PLXNA4: variants seen among roughly 807,000 people sequenced by gnomAD.
The protein encoded by PLXNA4 is plexin-A4.
A neutral mutation model predicts 191.8 loss-of-function variants in PLXNA4; 44 were observed. The ratio of observed to expected loss-of-function variants is 0.23; its 90% CI spans 0.18 to 0.29. The LOEUF (loss-of-function observed/expected upper bound fraction) is 0.29, where lower values mean the gene tolerates loss of function less well. Among genes scored for constraint, PLXNA4 ranks in the 10% least tolerant of loss-of-function variants. PLXNA4 has a pLI of 1.00. For synonymous variants in PLXNA4, 1,082 were observed against 1,009.5 expected, an observed-to-expected ratio of 1.07 and a Z score of -1.36; for missense variants, 1,800 against 2,488.8, an observed-to-expected ratio of 0.72 and a Z score of 5.89.
chr7:132,502,186 G>A (rs1434188681), intron 2 of PLXNA4, among the ~76,000 whole-genome samples: 1 of 152,162 alleles, frequency 6.6e-6, no homozygotes, highest in Non-Finnish European at 1.5e-5. Context: ...AGACCAACCT[G>A]AGTAACCACC....
chr7:132,153,483 A>C (rs1795703843), intron 25 of PLXNA4, among the ~76,000 whole-genome samples: 1 of 151,946 alleles, frequency 6.6e-6, no homozygotes, highest in Non-Finnish European at 1.5e-5. Flanking sequence ...AAGTGAAGGT[A>C]GTGGGGCAGG....
At chr7:132,336,559 G>A (rs1802824863) in intron 3 of PLXNA4, among the ~76,000 whole-genome samples, 1 of 152,134 alleles carries the variant, frequency 6.6e-6, no homozygotes, top group South Asian at 2.1e-4. Context: ...GGCAACAAAA[G>A]AGATGGGGAA....
intron 4 of PLXNA4, among the ~76,000 whole-genome samples, chr7:132,265,052 C>A (rs1563000182): frequency 6.6e-6 from 1 of 152,168 alleles, no homozygotes. Context: ...ATAAAATCAG[C>A]TTTTAAACAA....
chr7:132,445,285 T>G (rs2117269490), intron 3 of PLXNA4, among the ~76,000 whole-genome samples: 1 of 152,018 alleles, frequency 6.6e-6, no homozygotes, highest in South Asian at 2.1e-4. Flanking sequence ...CTATGTGATT[T>G]CTCGAGCAGA....
chr7:132,628,351 G>T (rs773178081), intron 2 of PLXNA4, among the ~76,000 whole-genome samples: 3 of 147,284 alleles, frequency 2.0e-5, no homozygotes, highest in South Asian at 2.2e-4. Context: ...TCTCTCTCTC[G>T]CTCTCTCTCT....
chr7:132,441,673 T>C (rs1795705452), intron 3 of PLXNA4, among the ~76,000 whole-genome samples: 1 of 152,260 alleles, frequency 6.6e-6, no homozygotes, highest in African/African-American at 2.4e-5. Context: ...CATGCCTTTT[T>C]ACATTTCACA....
At chr7:132,164,075 G>A (rs902042380) in intron 24 of PLXNA4, 67 bp downstream of exon 24, 24 of 1,599,544 alleles carry the variant, frequency 1.5e-5, no homozygotes, top group Non-Finnish European at 1.9e-5. Flanking sequence ...CTCCACTGCT[G>A]AGCAGGGCTA....
chr7:132,593,274 TCA>T lies in PLXNA4; in HGVS notation c.-87+52652_-87+52653del, dbSNP rs1344085614. Reference sequence around the variant, plus strand: ...CCCAGCTCCAAGCTGGTTGGGTTAGTCACACCCTCAGAGAACAGGTCTCAGGT... The same window carrying T: ...CCCAGCTCCAAGCTGGTTGGGTTAGTCACCCTCAGAGAACAGGTCTCAGGT... On this transcript the variant is annotated intron_variant, in intron 2 of 4. Transcript: ENST00000378539. 2.6e-5 allele frequency among the ~76,000 whole-genome samples: 4 copies of T among 151,902 alleles called. No individual in the cohort carries two copies. In the East Asian group the frequency reaches 7.8e-4, roughly 30 times the overall value.
intron 2 of PLXNA4, among the ~76,000 whole-genome samples, chr7:132,618,650 T>C (rs925626202): frequency 7.9e-5 from 12 of 152,202 alleles, no homozygotes; most frequent in African/African-American, 2.7e-4. Context: ...GCTTTTGTAA[T>C]GCAAGATTGT....
chr7:132,596,921 A>G (rs1802720316), intron 2 of PLXNA4, among the ~76,000 whole-genome samples: 1 of 151,430 alleles, frequency 6.6e-6, no homozygotes, highest in African/African-American at 2.4e-5. Flanking sequence ...TCCTCACTGA[A>G]GAAGCAGAAT....
At position 132,393,823 on chromosome 7, in the gene PLXNA4, G is replaced by A. The variant is rs60850015; in HGVS notation, c.1371+95469C>T. Among the ~76,000 whole-genome samples the A allele has an allele frequency of 8.8e-3, 1,336 of 152,238 alleles. 25 individuals carry two copies. The highest frequency in any genetic ancestry group is 0.031 in the African/African-American group (1,282 of 41,526). On this transcript the variant is annotated intron_variant, in intron 3 of 31. Coordinates refer to ENST00000321063, the MANE Select transcript of PLXNA4 (RefSeq NM_020911.2). The stretch of plus-strand genomic sequence containing the variant: ...AACTAGCAGAGCGGGGCGGCACCAG[G>A]ACACTAAGCCATCTTCAGACCATGG...
chr7:132,508,814 T>C lies in PLXNA4; in HGVS notation c.-86-35A>G. On this transcript the variant is annotated intron_variant, in intron 1 of 31. Coordinates refer to ENST00000321063, the MANE Select transcript of PLXNA4 (RefSeq NM_020911.2). The surrounding 1 kb of genome is among the most constrained non-coding windows in gnomAD (Gnocchi z 4.4). ...GGGAAGACAATGAGCTGGATAACAATGCCAGTGGCTTCATTTCACCCCACA... is the reference window on the plus strand; with the variant it reads ...GGGAAGACAATGAGCTGGATAACAACGCCAGTGGCTTCATTTCACCCCACA... The C allele has an allele frequency of 1.4e-6, 2 of 1,426,268 alleles. No homozygotes were observed. Among genetic ancestry groups the C allele is most frequent in the Admixed American group, 2.9e-5 (1 of 34,762 alleles). The allele number at this position is 1,426,268 out of a possible 1,614,324, so 88.4% of individuals were successfully genotyped here.
At position 132,227,657 on chromosome 7, in the gene PLXNA4, A is replaced by G. The variant is rs1424811327; in HGVS notation, c.1729-53T>C. The G allele has an allele frequency of 5.6e-6, 9 of 1,609,804 alleles. No individual in the cohort carries two copies. The Admixed American group carries it at 1.5e-4, about 27-fold the overall frequency. ...AGGAGGAGGGTGAAATGGGAAAAGG[A>G]CAGGTATGGAATAAAAAAAGAAAGT... is the stretch of plus-strand genomic sequence containing the variant. On this transcript the variant is annotated intron_variant, in intron 6 of 31. Coordinates refer to ENST00000321063, the MANE Select transcript of PLXNA4 (RefSeq NM_020911.2).
In PLXNA4 at chr7:132,127,982, T is replaced by TTAACTAAC. The variant is rs138855495; in HGVS notation, c.*2496_*2497insGTTAGTTA. 3.6e-5 allele frequency: 4 copies of TTAACTAAC among 111,988 alleles called. No homozygotes were observed. The highest frequency in any genetic ancestry group is 1.1e-4 in the Admixed American group (1 of 8,842). The allele number at this position is 111,988 out of a possible 1,614,324, so 6.9% of individuals were successfully genotyped here. ...TTTTCTGCTTGTTTGATTTTTTCTC[T>TTAACTAAC]TAACTGTGCAAAAAAAAAAAAAAAA... On this transcript the variant is annotated 3_prime_UTR_variant, in exon 32 of 32. Transcript: ENST00000321063.
At chr7:132,594,468 G>A (rs1802661644) in intron 2 of PLXNA4, among the ~76,000 whole-genome samples, 2 of 152,162 alleles carry the variant, frequency 1.3e-5, no homozygotes, top group South Asian at 4.1e-4. Flanking sequence ...CTTCATTATG[G>A]CAATCCTAGG....
At chr7:132,561,701 C>A (rs1337302087) in intron 1 of PLXNA4, among the ~76,000 whole-genome samples, 1 of 134,788 alleles carries the variant, frequency 7.4e-6, no homozygotes, top group Non-Finnish European at 1.6e-5. Flanking sequence ...CCTCCTCCTA[C>A]TCTTCCTCCT....
At chr7:132,644,821 A>G (rs1005561346) in intron 2 of PLXNA4, among the ~76,000 whole-genome samples, 2 of 152,220 alleles carry the variant, frequency 1.3e-5, no homozygotes, top group Non-Finnish European at 2.9e-5. Flanking sequence ...GACCTTTGAC[A>G]AAAAGGACAA....
intron 2 of PLXNA4, among the ~76,000 whole-genome samples, chr7:132,622,026 A>G (rs1406535463): frequency 6.6e-6 from 1 of 151,918 alleles, no homozygotes; most frequent in Non-Finnish European, 1.5e-5. Flanking sequence ...CCTTGGGCAC[A>G]CACCTAGACT....
chr7:132,335,302 AAAT>A (rs1417046817), intron 3 of PLXNA4, among the ~76,000 whole-genome samples: 2 of 152,208 alleles, frequency 1.3e-5, no homozygotes, highest in Non-Finnish European at 2.9e-5. Context: ...GGAGGACACT[AAAT>A]AAACAGCATC....
Sources: allele counts gnomAD v4.1 joint callset (sites outside exome capture counted in the v4.1 genomes callset), GRCh38; gene constraint gnomAD v4.1.1; non-coding constraint Gnocchi (gnomAD v3.1); transcripts MANE v1.5; gene names NCBI Gene and HGNC (gene_info 2026-07-23, HGNC 2026-07-21).